KANK4: variants seen among roughly 807,000 people sequenced by gnomAD.
KANK4 encodes KN motif and ankyrin repeat domain-containing protein 4.
KANK4 carries 50 observed loss-of-function variants against 80.8 expected under a neutral mutation model. The observed-to-expected ratio is 0.62, with a 90% CI of 0.49 to 0.78. The LOEUF (loss-of-function observed/expected upper bound fraction) is 0.78, where lower values mean the gene tolerates loss of function less well. Ranked by LOEUF, KANK4 falls within the 30% of genes least tolerant of loss-of-function variation. The pLI is 0.00. For missense variants in KANK4, 1,196 were observed against 1,240.1 expected (o/e 0.96, Z 0.53); for synonymous variants, 465 against 506.9 (o/e 0.92, Z 1.11).
At chr1:62,278,272 G>A (rs1261609098) in intron 2 of KANK4, among the ~76,000 whole-genome samples, 1 of 151,636 alleles carries the variant, frequency 6.6e-6, no homozygotes, top group Non-Finnish European at 1.5e-5. Flanking sequence ...GAAAGGGACG[G>A]GTTTAAAAAA....
intron 7 of KANK4, among the ~76,000 whole-genome samples, chr1:62,261,152 C>CTTTTTTTTTTTTTTTTTTTTTTTTTTTT: frequency 1.5e-5 from 1 of 68,386 alleles, no homozygotes; most frequent in Non-Finnish European, 2.8e-5. Flanking sequence ...CTCCCAATGG[C>CTTTTTTTTTTTTTTTTTTTTTTTTTTTT]TTTTTTTTTT....
intron 8 of KANK4, among the ~76,000 whole-genome samples, chr1:62,249,336 G>A (rs904739300): frequency 3.4e-5 from 5 of 146,134 alleles, no homozygotes; most frequent in Non-Finnish European, 7.4e-5. Flanking sequence ...TACACTATAT[G>A]TGTGCATGTT....
At chr1:62,271,050 GT>G (rs1672150040) in intron 4 of KANK4, among the ~76,000 whole-genome samples, 1 of 152,144 alleles carries the variant, frequency 6.6e-6, no homozygotes, top group South Asian at 2.1e-4. Context: ...TAGTCTAGTT[GT>G]TTTTCTTCAT....
intron 9 of KANK4, 146 bp downstream of exon 9, chr1:62,247,320 TAAGAGA>T: frequency 1.8e-6 from 1 of 568,378 alleles, no homozygotes; most frequent in Non-Finnish European, 3.0e-6. Flanking sequence ...TTTTTTTTTT[TAAGAGA>T]TGGGGGTCTC....
At chr1:62,277,147 C>T (rs996230492) in intron 2 of KANK4, among the ~76,000 whole-genome samples, 1 of 152,218 alleles carries the variant, frequency 6.6e-6, no homozygotes, top group African/African-American at 2.4e-5. Context: ...GACACAAACA[C>T]ATACAATGCA....
At chr1:62,296,319 TC>T (rs1557504036) in intron 1 of KANK4, among the ~76,000 whole-genome samples, 2 of 150,620 alleles carry the variant, frequency 1.3e-5, no homozygotes, top group Admixed American at 6.6e-5. Flanking sequence ...CTCCCTCACC[TC>T]CCCCGCCTCT....
intron 1 of KANK4, 89 bp from the exon 2 acceptor site, chr1:62,281,723 A>G: frequency 1.2e-6 from 1 of 839,964 alleles, no homozygotes; most frequent in Non-Finnish European, 2.0e-6. Flanking sequence ...AGTAACATCC[A>G]TCCCTGCCTT....
chr1:62,279,413 G>A (rs981504604), intron 2 of KANK4, among the ~76,000 whole-genome samples: 2 of 152,146 alleles, frequency 1.3e-5, no homozygotes, highest in Non-Finnish European at 2.9e-5. Context: ...ACAGGTATGC[G>A]GGAGCTCAGA....
intron 7 of KANK4, among the ~76,000 whole-genome samples, chr1:62,259,449 G>A (rs570601781): frequency 1.3e-5 from 2 of 152,024 alleles, no homozygotes; most frequent in African/African-American, 2.4e-5. Flanking sequence ...GCTAATCTTC[G>A]TATTTTTGGT....
intron 1 of KANK4, chr1:62,298,047 T>C (rs1644381819): frequency 1.3e-5 from 2 of 152,244 alleles, no homozygotes; most frequent in South Asian, 4.1e-4. Context: ...CCACAGCTCC[T>C]GCCTTGTTAA....
At chr1:62,317,882 A>T (rs1644555042) in intron 1 of KANK4, among the ~76,000 whole-genome samples, 1 of 152,216 alleles carries the variant, frequency 6.6e-6, no homozygotes, top group Non-Finnish European at 1.5e-5. Flanking sequence ...TGCCTGGCAC[A>T]GAGCATTTGT....
intron 1 of KANK4, among the ~76,000 whole-genome samples, chr1:62,306,202 C>T (rs142368916): frequency 6.6e-6 from 1 of 152,046 alleles, no homozygotes; most frequent in Admixed American, 6.6e-5. Context: ...GTTGCCCAGG[C>T]TGGTTTCAAA....
chr1:62,284,607 C>A (rs150615632), intron 1 of KANK4, among the ~76,000 whole-genome samples: 9 of 152,196 alleles, frequency 5.9e-5, no homozygotes, highest in Non-Finnish European at 1.3e-4. Context: ...GGGTGAGCCA[C>A]GGCACCTGAT....
At chr1:62,305,959 T>C (rs1422593774) in intron 1 of KANK4, among the ~76,000 whole-genome samples, 2 of 151,996 alleles carry the variant, frequency 1.3e-5, no homozygotes, top group African/African-American at 4.8e-5. Context: ...TCTTTCTATT[T>C]AGTAGTGTTT....
In KANK4 at chr1:62,291,311, C is replaced by A. The variant is rs80168911; in HGVS notation, c.-70-9677G>T. Among the ~76,000 whole-genome samples the A allele has an allele frequency of 9.4e-3, 1,431 of 152,260 alleles. 76 individuals are homozygous for A. The East Asian group carries it at 0.15, about 16-fold the overall frequency. ...TCGTTGTTGCTGTGTTGTACAAGTT[C>A]TTCACATATTCAGGATATTAACCTC... On this transcript the variant is annotated intron_variant, in intron 1 of 9. Coordinates refer to ENST00000371153, the MANE Select transcript of KANK4 (RefSeq NM_181712.5).
chr1:62,238,331 T>A lies in KANK4; in HGVS notation c.2934A>T (p.Glu978Asp). ...SIALKSPTHMEIAGLLRAHAE... is the reference protein window; with the variant it reads ...SIALKSPTHMDIAGLLRAHAE... The stretch of plus-strand genomic sequence containing the variant: ...CGTGGGCTCTCAGAAGCCCAGCAAT[T>A]TCCATATGGGTGGGTGACTTCAGAG... Residue 978 changes from glutamate to aspartate, a missense_variant, in exon 10 of 10, where the codon GAA becomes GAT. Physicochemically the swap from Glu to Asp is conservative, Grantham distance 45. Coordinates refer to ENST00000371153, the MANE Select transcript of KANK4 (RefSeq NM_181712.5). The A allele has an allele frequency of 6.2e-7, 1 of 1,614,052 alleles. No individual in the cohort carries two copies. The highest frequency in any genetic ancestry group is 8.5e-7 in the Non-Finnish European group (1 of 1,180,006).
Position 62,312,713 on chromosome 1 carries a change from A to C in KANK4, c.-71+6393T>G, listed in dbSNP as rs370569434. Among the ~76,000 whole-genome samples the C allele has an allele frequency of 5.3e-5, 8 of 152,360 alleles. No homozygotes were observed. The East Asian group carries it at 9.6e-4, about 18-fold the overall frequency. On this transcript the variant is annotated intron_variant, in intron 1 of 9. Coordinates refer to ENST00000371153, the MANE Select transcript of KANK4 (RefSeq NM_181712.5). ...CCTGCCAAGACAGAGACTGGAGAGA[A>C]AGCCTCACTTGCAGAGAACCAGCTC...
At chr1:62,277,330 A>G (rs1672336576) in intron 2 of KANK4, among the ~76,000 whole-genome samples, 1 of 152,248 alleles carries the variant, frequency 6.6e-6, no homozygotes, top group Non-Finnish European at 1.5e-5. Flanking sequence ...ATGAACAAAT[A>G]GGGACTTGCC....
chr1:62,304,973 TA>T (rs1279127737), intron 1 of KANK4, among the ~76,000 whole-genome samples: 3 of 152,126 alleles, frequency 2.0e-5, no homozygotes, highest in East Asian at 3.9e-4. Context: ...AGTGCTTTGC[TA>T]AAGACGAAGT....
Sources: allele counts gnomAD v4.1 joint callset (sites outside exome capture counted in the v4.1 genomes callset), GRCh38; gene constraint gnomAD v4.1.1; transcripts MANE v1.5; gene names NCBI Gene and HGNC (gene_info 2026-07-23, HGNC 2026-07-21).